PLA2R1: variants seen among roughly 807,000 people sequenced by gnomAD.
PLA2R1 encodes the protein phospholipase A2 receptor 1.
In PLA2R1, 158 loss-of-function variants were observed where a neutral mutation model predicts 195.9. The ratio of observed to expected loss-of-function variants is 0.81; its 90% CI spans 0.71 to 0.92. The LOEUF (loss-of-function observed/expected upper bound fraction) is 0.92. PLA2R1 is among the 40% of genes least tolerant of loss of function. The probability of loss-of-function intolerance (pLI) is 0.00; values close to 1 mark genes in which losing one functional copy is unlikely to be tolerated. For synonymous variants in PLA2R1, 586 were observed against 598.2 expected, an observed-to-expected ratio of 0.98 and a Z score of 0.30; for missense variants, 1,626 against 1,764.6, an observed-to-expected ratio of 0.92 and a Z score of 1.41.
In PLA2R1 at chr2:159,967,677, T is replaced by C; in HGVS notation, c.2766A>G (p.Gly922=). ...CTGAACACTCTTCACTACCCCAGAG[T>C]CCTGGAGGAGAAAATGGGTTAGAAA... ...QRCGFISSIT[G]LWGSEECSVS... is the part of the protein sequence containing the mutation. Residue 922 remains glycine, a splice_region_variant and synonymous_variant, in exon 20 of 30, where the codon GGA becomes GGG. Coordinates refer to ENST00000283243, the MANE Select transcript of PLA2R1 (RefSeq NM_007366.5). The C allele has an allele frequency of 2.5e-6, 4 of 1,612,504 alleles. No individual in the cohort carries two copies. Among genetic ancestry groups the C allele is most frequent in the Non-Finnish European group, 3.4e-6 (4 of 1,179,336 alleles).
chr2:160,042,174 G>T lies in PLA2R1; in HGVS notation c.518C>A (p.Thr173Asn). ...GGGAAACATACACGGCATCCCGTGG[G>T]TGTTCCCTTTGATTGTATGCAAATC... ...HKDLHTIKGN[T>N]HGMPCMFPFQ... is the part of the protein sequence containing the mutation. Residue 173 changes from threonine (T) to asparagine (N), a missense_variant, in exon 3 of 30, where the codon ACC (threonine) becomes AAC (asparagine). Thr to Asn is a moderately conservative substitution (Grantham distance 65). Transcript: ENST00000283243. 1 of 1,613,824 alleles carries T rather than the reference G, an allele frequency of 6.2e-7. No homozygotes were observed. Among genetic ancestry groups the T allele is most frequent in the South Asian group, 1.1e-5 (1 of 91,004 alleles).
At chr2:159,984,287 G>T (rs1690174738) in intron 12 of PLA2R1, among the ~76,000 whole-genome samples, 1 of 152,068 alleles carries the variant, frequency 6.6e-6, no homozygotes, top group Non-Finnish European at 1.5e-5. Context: ...TTTCTGAGGA[G>T]AATATAATAA....
downstream of PLA2R1, among the ~76,000 whole-genome samples, chr2:159,929,143 T>G (rs1560116988): frequency 6.6e-6 from 1 of 152,088 alleles, no homozygotes. Context: ...AAAACAAAGA[T>G]AAATAGACAA....
Position 159,944,901 on chromosome 2 carries a change from C to CAAA in PLA2R1, c.4144+4_4144+5insTTT, listed in dbSNP as rs1687286893. ...AATGAAGAATTACTCTCTGACTTTACCTACCTGCCTCCATTTTACATATAA... is the reference window on the plus strand; with the variant it reads ...AATGAAGAATTACTCTCTGACTTTACAAACTACCTGCCTCCATTTTACATATAA... On this transcript the variant is annotated splice_donor_region_variant and intron_variant, in intron 28 of 29. Coordinates refer to ENST00000283243, the MANE Select transcript of PLA2R1 (RefSeq NM_007366.5). 1 of 1,603,962 alleles carries CAAA rather than the reference C, an allele frequency of 6.2e-7. No homozygotes were observed. The highest frequency in any genetic ancestry group is 1.1e-5 in the South Asian group (1 of 90,592).
At position 159,938,106 on chromosome 2, in the gene PLA2R1, A is replaced by G. The variant is rs1304656852; in HGVS notation, c.*3672T>C. 6.6e-6 allele frequency: 1 copy of G among 152,230 alleles called. No homozygotes were observed. The highest frequency in any genetic ancestry group is 1.5e-5 in the Non-Finnish European group (1 of 68,040). The allele number at this position is 152,230 out of a possible 1,614,324, so 9.4% of individuals were successfully genotyped here. ...TGGAAATTAAGTTTCTTAAATACCC[A>G]TGCTCCTGTATTCCTTAGGCATGTG... On this transcript the variant is annotated 3_prime_UTR_variant, in exon 30 of 30. Transcript: ENST00000283243.
chr2:159,995,417 T>C (rs947364208), intron 11 of PLA2R1, among the ~76,000 whole-genome samples: 3 of 152,076 alleles, frequency 2.0e-5, no homozygotes, highest in Non-Finnish European at 2.9e-5. Flanking sequence ...AGAAACTTAA[T>C]ATTAAAAACC....
intron 19 of PLA2R1, 44 bp from the exon 20 acceptor site, chr2:159,967,722 A>G: frequency 6.4e-7 from 1 of 1,571,124 alleles, no homozygotes; most frequent in Non-Finnish European, 8.7e-7. Context: ...AACAATGGCG[A>G]TTCTTTGAAG....
At chr2:159,958,945 T>G (rs1688272139) in intron 20 of PLA2R1, among the ~76,000 whole-genome samples, 1 of 152,146 alleles carries the variant, frequency 6.6e-6, no homozygotes, top group Non-Finnish European at 1.5e-5. Context: ...TTTAAACCCT[T>G]CAGGAATTTT....
In PLA2R1 at chr2:160,022,756, C is replaced by T. The variant is rs1246965599; in HGVS notation, c.1203G>A (p.Glu401=). 1.9e-6 allele frequency: 3 copies of T among 1,613,120 alleles called. No individual in the cohort carries two copies. The African/African-American group carries it at 4.0e-5, about 22-fold the overall frequency. ...KLQKEEKTWH[E]ALRSCQADNS... is the part of the protein sequence containing the mutation. ...TATCAGCCTGACAAGAACGCAGAGC[C>T]TCATGCCAGGTCTTTTCTTCTTTCT... is the stretch of plus-strand genomic sequence containing the variant. Residue 401 remains glutamate, a synonymous_variant, in exon 7 of 30, where the codon GAG becomes GAA. Transcript: ENST00000283243.
Position 159,934,306 on chromosome 2 carries a change from A to G in PLA2R1, c.*7472T>C, listed in dbSNP as rs561072215. On this transcript the variant is annotated 3_prime_UTR_variant, in exon 30 of 30. Transcript: ENST00000283243. The stretch of plus-strand genomic sequence containing the variant: ...ACTGACAAGTCAGGGAAGTGACACA[A>G]AAGAAGAATGCAGGGAAAAGAGAGC... The G allele has an allele frequency of 6.6e-6, 1 of 152,450 alleles. No homozygotes were observed. The highest frequency in any genetic ancestry group is 6.5e-5 in the Admixed American group (1 of 15,306). The allele number at this position is 152,450 out of a possible 1,614,324, so 9.4% of individuals were successfully genotyped here. A position where few individuals can be genotyped will look rare whatever the true frequency, so the allele number is the denominator to read the frequency against.
rs1165734137 is a variant in PLA2R1 at position 159,951,214 on chromosome 2, A to AAAT, written c.3540+125_3540+126insATT. On this transcript the variant is annotated intron_variant, in intron 24 of 29. Coordinates refer to ENST00000283243, the MANE Select transcript of PLA2R1 (RefSeq NM_007366.5). Reference sequence around the variant, plus strand: ...AGGTAATTGCATAAACCAATTATTTAAGTGTTATATTTATTAATATTTTTG... The same window carrying AAAT: ...AGGTAATTGCATAAACCAATTATTTAAATAGTGTTATATTTATTAATATTTTTG... 3 of 645,204 alleles carry AAAT rather than the reference A, an allele frequency of 4.6e-6. No individual in the cohort carries two copies. The East Asian group carries it at 8.1e-5, about 17-fold the overall frequency. 40.0% of individuals were successfully genotyped at this position (645,204 alleles called of 1,614,324 possible). A position where few individuals can be genotyped will look rare whatever the true frequency, so the allele number is the denominator to read the frequency against.
rs150016367 is a variant in PLA2R1 at position 159,971,935 on chromosome 2, G to A, written c.2596-1723C>T. ...TTTTGTATCCCTGAGGTGTTGTTTC[G>A]TGGACATGTTCTTACAGGCTGAATT... On this transcript the variant is annotated intron_variant, in intron 17 of 29. Transcript: ENST00000283243. Among the ~76,000 whole-genome samples, 375 of 152,160 alleles carry A rather than the reference G, an allele frequency of 2.5e-3. 2 individuals carry two copies. Among genetic ancestry groups the A allele is most frequent in the African/African-American group, 8.5e-3 (351 of 41,504 alleles).
At chr2:160,045,789 G>A (rs948258848) in intron 1 of PLA2R1, among the ~76,000 whole-genome samples, 1 of 152,192 alleles carries the variant, frequency 6.6e-6, no homozygotes, top group African/African-American at 2.4e-5. Flanking sequence ...ATGGCTTGCT[G>A]GGTGGGGCAG....
intron 17 of PLA2R1, among the ~76,000 whole-genome samples, chr2:159,975,273 G>A (rs1689464726): frequency 6.6e-6 from 1 of 152,134 alleles, no homozygotes; most frequent in East Asian, 1.9e-4. Flanking sequence ...AACAGAGACT[G>A]TATCTCATAC....
chr2:159,949,098 A>G (rs1239226156), intron 25 of PLA2R1, among the ~76,000 whole-genome samples: 1 of 152,174 alleles, frequency 6.6e-6, no homozygotes, highest in Non-Finnish European at 1.5e-5. Flanking sequence ...CTGGAATCCT[A>G]TCAATCTTTT....
At chr2:159,958,132 G>A (rs925753188) in intron 20 of PLA2R1, among the ~76,000 whole-genome samples, 1 of 152,152 alleles carries the variant, frequency 6.6e-6, no homozygotes, top group African/African-American at 2.4e-5. Context: ...GTGAGGCCTG[G>A]TGGGAGGTGA....
chr2:160,020,699 G>T (rs1178424633), intron 7 of PLA2R1, among the ~76,000 whole-genome samples: 5 of 152,188 alleles, frequency 3.3e-5, no homozygotes, highest in Non-Finnish European at 5.9e-5. Context: ...ACTCTGCAGA[G>T]AATCCCCACC....
intron 6 of PLA2R1, among the ~76,000 whole-genome samples, chr2:160,026,375 T>C (rs1243488425): frequency 1.3e-5 from 2 of 152,208 alleles, no homozygotes; most frequent in Non-Finnish European, 2.9e-5. Flanking sequence ...GGTAGATATT[T>C]ATCCCCAGCT....
In PLA2R1 at chr2:159,955,703, T is replaced by A; in HGVS notation, c.3148A>T (p.Ile1050Leu). ...VYSNWSPFDI[I>L]NIPSHNTTEV... ...AAATAAATCTTAAAACTTACATTTA[T>A]TATATCAAATGGAGACCAGTTAGAA... Residue 1050 changes from isoleucine (I) to leucine (L), a missense_variant, in exon 22 of 30, where the codon ATA (isoleucine) becomes TTA (leucine). Physicochemically the swap from Ile to Leu is conservative, Grantham distance 5. Coordinates refer to ENST00000283243, the MANE Select transcript of PLA2R1 (RefSeq NM_007366.5). The A allele has an allele frequency of 7.0e-7, 1 of 1,433,926 alleles. No homozygotes were observed. The highest frequency in any genetic ancestry group is 9.3e-7 in the Non-Finnish European group (1 of 1,073,118). The allele number at this position is 1,433,926 out of a possible 1,614,324, so 88.8% of individuals were successfully genotyped here.
Sources: gnomAD v4.1 joint callset for allele counts (sites outside exome capture counted in the v4.1 genomes callset) on GRCh38, gnomAD v4.1.1 for gene constraint, MANE v1.5 for transcripts, NCBI Gene and HGNC (gene_info 2026-07-23, HGNC 2026-07-21) for gene names.